PCCA: variants seen among roughly 807,000 people sequenced by gnomAD.
The protein encoded by PCCA is propionyl-CoA carboxylase subunit alpha, also known as propionyl-CoA carboxylase alpha chain, mitochondrial.
Under a neutral mutation model 101.3 loss-of-function variants are expected in PCCA, and 74 were observed. The observed-to-expected ratio is 0.73, with a 90% CI of 0.61 to 0.89. The LOEUF is 0.89. Ranked by LOEUF, PCCA falls within the 40% of genes least tolerant of loss-of-function variation. PCCA has a pLI of 0.00. For synonymous variants in PCCA, 294 were observed against 313.6 expected (o/e 0.94, Z 0.66); for missense variants, 891 against 907.0 (o/e 0.98, Z 0.23).
intron 12 of PCCA, among the ~76,000 whole-genome samples, chr13:100,279,582 T>G (rs1465862266): frequency 6.6e-6 from 1 of 152,090 alleles, no homozygotes; most frequent in Non-Finnish European, 1.5e-5. Context: ...TTCAAACAAT[T>G]CTCCTGCCTC....
intron 4 of PCCA, among the ~76,000 whole-genome samples, chr13:100,136,191 T>G (rs1446832154): frequency 6.7e-6 from 1 of 148,660 alleles, no homozygotes; most frequent in African/African-American, 2.5e-5. Context: ...TTGTTTTTTT[T>G]TTTTTTTTTT....
intron 7 of PCCA, among the ~76,000 whole-genome samples, chr13:100,233,364 A>G (rs560882707): frequency 6.6e-6 from 1 of 152,322 alleles, no homozygotes; most frequent in African/African-American, 2.4e-5. Flanking sequence ...GAGCACAGAT[A>G]TTGTGCTTCT....
intron 19 of PCCA, among the ~76,000 whole-genome samples, chr13:100,402,649 G>A (rs1342002132): frequency 1.3e-5 from 2 of 152,066 alleles, no homozygotes; most frequent in East Asian, 3.9e-4. Flanking sequence ...AGTACATTGA[G>A]ATATAAAGTG....
intron 19 of PCCA, among the ~76,000 whole-genome samples, chr13:100,410,453 G>A (rs975859600): frequency 6.6e-6 from 1 of 151,892 alleles, no homozygotes; most frequent in Non-Finnish European, 1.5e-5. Context: ...GTGTTGGCCA[G>A]GATAGTCTTG....
rs532195135 is a variant in PCCA at position 100,156,492 on chromosome 13, T to C, written c.415-795T>C. Among the ~76,000 whole-genome samples the C allele has an allele frequency of 1.8e-4, 28 of 152,324 alleles. No homozygotes were observed. The Middle Eastern group carries it at 0.01, about 56-fold the overall frequency. The stretch of plus-strand genomic sequence containing the variant: ...TAGAAGTATGTTCAACACTGGCTGA[T>C]ACTGAAGTGGCGAAATTTATGTTTG... On this transcript the variant is annotated intron_variant, in intron 5 of 23. Transcript: ENST00000376285.
At chr13:100,361,621 T>G (rs558109767) in intron 18 of PCCA, among the ~76,000 whole-genome samples, 1 of 151,928 alleles carries the variant, frequency 6.6e-6, no homozygotes, top group Admixed American at 6.6e-5. Flanking sequence ...GGGCAAAAAC[T>G]TGAATATAAA....
Position 100,425,627 on chromosome 13 carries a change from C to T in PCCA, c.1747-6C>T. ...ATGGTAATGGTCTTATTTGGTGTCACAACAGGTGGAAGTTGATGGGTCGAA... is the reference window on the plus strand; with the variant it reads ...ATGGTAATGGTCTTATTTGGTGTCATAACAGGTGGAAGTTGATGGGTCGAA... On this transcript the variant is annotated splice_polypyrimidine_tract_variant and splice_region_variant and intron_variant, in intron 19 of 23. Transcript: ENST00000376285. The T allele has an allele frequency of 6.2e-7, 1 of 1,602,726 alleles. No individual in the cohort carries two copies. Among genetic ancestry groups the T allele is most frequent in the Non-Finnish European group, 8.5e-7 (1 of 1,169,596 alleles).
At chr13:100,484,795 C>T (rs2084238331) in intron 21 of PCCA, among the ~76,000 whole-genome samples, 1 of 152,138 alleles carries the variant, frequency 6.6e-6, no homozygotes, top group Non-Finnish European at 1.5e-5. Context: ...GTCACCTGGG[C>T]AGCTGCTTCA....
At chr13:100,344,399 C>T (rs2071873280) in intron 18 of PCCA, among the ~76,000 whole-genome samples, 1 of 152,160 alleles carries the variant, frequency 6.6e-6, no homozygotes, top group Non-Finnish European at 1.5e-5. Context: ...ATAATTGTAG[C>T]TCCTAAAGAC....
At chr13:100,360,302 A>G (rs915508620) in intron 18 of PCCA, among the ~76,000 whole-genome samples, 2 of 152,160 alleles carry the variant, frequency 1.3e-5, no homozygotes, top group Non-Finnish European at 2.9e-5. Context: ...TGGGAATTCA[A>G]GATGAGATTT....
At chr13:100,369,811 A>T (rs2075447939) in intron 19 of PCCA, among the ~76,000 whole-genome samples, 2 of 152,204 alleles carry the variant, frequency 1.3e-5, no homozygotes, top group Admixed American at 1.3e-4. Flanking sequence ...ACAGCTTTGT[A>T]AGTGCACATT....
chr13:100,157,393 G>A, intron 6 of PCCA, 53 bp downstream of exon 6: 1 of 1,195,746 alleles, frequency 8.4e-7, no homozygotes, highest in Non-Finnish European at 1.3e-6. Flanking sequence ...AAAGCAGTGT[G>A]GTAGCATGGC....
chr13:100,267,313 C>T (rs958332681), intron 10 of PCCA, among the ~76,000 whole-genome samples: 2 of 152,062 alleles, frequency 1.3e-5, no homozygotes, highest in Non-Finnish European at 2.9e-5. Context: ...TAGAAAATTC[C>T]AGCTTATTGG....
chr13:100,504,918 G>C (rs1263624100), intron 21 of PCCA, among the ~76,000 whole-genome samples: 3 of 151,108 alleles, frequency 2.0e-5, no homozygotes, highest in African/African-American at 7.3e-5. Context: ...GGGTGACACA[G>C]AGAGAGACTC....
At chr13:100,098,902 C>T (rs965324022) in intron 1 of PCCA, among the ~76,000 whole-genome samples, 8 of 152,148 alleles carry the variant, frequency 5.3e-5, no homozygotes, top group African/African-American at 1.7e-4. Context: ...CAGGAAAAAG[C>T]CAGACCTAAT....
intron 16 of PCCA, among the ~76,000 whole-genome samples, chr13:100,330,289 A>G (rs1595381182): frequency 6.6e-6 from 1 of 152,346 alleles, no homozygotes; most frequent in African/African-American, 2.4e-5. Context: ...ATGATTTAAA[A>G]TTCACGGCCC....
intron 8 of PCCA, among the ~76,000 whole-genome samples, chr13:100,250,773 T>A (rs941605779): frequency 2.0e-5 from 3 of 152,156 alleles, no homozygotes; most frequent in Non-Finnish European, 4.4e-5. Context: ...GTCTGGCAGG[T>A]ACATTAATTT....
In PCCA at chr13:100,394,552, AAACCAGT is replaced by A. The variant is rs2076958817; in HGVS notation, c.1746+25982_1746+25988del. On this transcript the variant is annotated intron_variant, in intron 19 of 23. Transcript: ENST00000376285. This position sits in a 1 kb window ranked among gnomAD's most constrained non-coding sequence, Gnocchi z 4.3. ...TCCCTAAACCCAAAATATAAGATAG[AAACCAGT>A]AACTGAATCTGGTAACAGGGTAGTT... Among the ~76,000 whole-genome samples, 1 of 152,134 alleles carries A rather than the reference AAACCAGT, an allele frequency of 6.6e-6. No individual in the cohort carries two copies. Among genetic ancestry groups the A allele is most frequent in the Non-Finnish European group, 1.5e-5 (1 of 68,030 alleles).
intron 6 of PCCA, among the ~76,000 whole-genome samples, chr13:100,202,181 A>C (rs1402736167): frequency 6.6e-6 from 1 of 151,132 alleles, no homozygotes; most frequent in African/African-American, 2.4e-5. Context: ...AAAAAAAAAA[A>C]AAAAAAACTG....
Sources: gnomAD v4.1 joint callset for allele counts (sites outside exome capture counted in the v4.1 genomes callset) on GRCh38, gnomAD v4.1.1 for gene constraint, Gnocchi (gnomAD v3.1) non-coding constraint, MANE v1.5 for transcripts, NCBI Gene and HGNC (gene_info 2026-07-23, HGNC 2026-07-21) for gene names.